Variants in ERC2 observed in about 807,000 individuals in gnomAD.
The protein encoded by ERC2 is ERC protein 2.
ERC2 carries 42 observed loss-of-function variants against 114.8 expected under a neutral mutation model. The ratio of observed to expected loss-of-function variants is 0.37; its 90% CI spans 0.29 to 0.47. The LOEUF (loss-of-function observed/expected upper bound fraction) is 0.47. Ranked by LOEUF, ERC2 falls within the 20% of genes least tolerant of loss-of-function variation. The probability of loss-of-function intolerance (pLI) is 0.99; values close to 1 mark genes in which losing one functional copy is unlikely to be tolerated. For missense variants in ERC2, 939 were observed against 1,150.7 expected, an observed-to-expected ratio of 0.82 and a Z score of 2.66; for synonymous variants, 454 against 425.5, an observed-to-expected ratio of 1.07 and a Z score of -0.82.
At chr3:55,620,867 C>T (rs918188204) in intron 17 of ERC2, among the ~76,000 whole-genome samples, 6 of 152,180 alleles carry the variant, frequency 3.9e-5, no homozygotes, top group African/African-American at 9.7e-5. Context: ...GATGTGATTA[C>T]GCCTTCTCAG....
At chr3:55,813,824 C>A (rs894867731) in intron 14 of ERC2, among the ~76,000 whole-genome samples, 2 of 152,172 alleles carry the variant, frequency 1.3e-5, no homozygotes, top group African/African-American at 2.4e-5. Flanking sequence ...AAAATTATTT[C>A]TCCTATTAAA....
At chr3:56,049,818 ATGTGTGTG>A (rs3052672) in intron 7 of ERC2, among the ~76,000 whole-genome samples, 34,141 of 145,152 alleles carry the variant, frequency 0.24, 4,739 homozygotes, top group Admixed American at 0.33. Flanking sequence ...CCCATCATAT[ATGTGTGTG>A]TGTGTGTGTG....
At chr3:56,006,811 CAA>C (rs2072530554) in intron 10 of ERC2, among the ~76,000 whole-genome samples, 2 of 152,062 alleles carry the variant, frequency 1.3e-5, no homozygotes, top group Admixed American at 1.3e-4. Flanking sequence ...CTGAAAGTAG[CAA>C]AAGTTTATTA....
intron 2 of ERC2, among the ~76,000 whole-genome samples, chr3:56,309,526 G>GA (rs2056418047): frequency 6.6e-6 from 1 of 152,182 alleles, no homozygotes; most frequent in Non-Finnish European, 1.5e-5. Flanking sequence ...GTGATCTGGG[G>GA]AAAAATCACT....
intron 2 of ERC2, among the ~76,000 whole-genome samples, chr3:56,417,386 AT>A (rs373556994): frequency 6.7e-6 from 1 of 150,188 alleles, no homozygotes; most frequent in African/African-American, 2.4e-5. Flanking sequence ...CTTTTTTTTT[AT>A]TTTTTGCACA....
intron 2 of ERC2, among the ~76,000 whole-genome samples, chr3:56,360,863 G>A (rs1465225403): frequency 6.6e-6 from 1 of 152,110 alleles, no homozygotes; most frequent in Non-Finnish European, 1.5e-5. Context: ...AGCTGAGATT[G>A]CACCACTACA....
At position 55,553,736 on chromosome 3, in the gene ERC2, C is replaced by T. The variant is rs575451422; in HGVS notation, c.*40-42460G>A. Among the ~76,000 whole-genome samples the T allele has an allele frequency of 6.3e-3, 958 of 151,912 alleles. 9 individuals carry two copies. The highest frequency in any genetic ancestry group is 0.022 in the African/African-American group (907 of 41,448). On this transcript the variant is annotated intron_variant, in intron 17 of 17. Transcript: ENST00000288221. Reference sequence around the variant, plus strand: ...TGGAGCTTGCCGTGAGTCAAGATCGCGCCACTGCTCTCCAGCCTGGGTGAC... The same window carrying T: ...TGGAGCTTGCCGTGAGTCAAGATCGTGCCACTGCTCTCCAGCCTGGGTGAC...
intron 3 of ERC2, among the ~76,000 whole-genome samples, chr3:56,267,076 TC>T (rs1440651351): frequency 1.3e-5 from 2 of 152,044 alleles, no homozygotes. Flanking sequence ...GATTTTTTTT[TC>T]AGGTTTTGGA....
intron 2 of ERC2, among the ~76,000 whole-genome samples, chr3:56,423,457 A>G (rs9875056): frequency 0.28 from 42,924 of 152,172 alleles, 6,396 homozygotes; most frequent in Admixed American, 0.43. Context: ...TAACAGTCAA[A>G]AATGTCTTCA....
At chr3:56,002,281 A>C (rs998420322) in intron 10 of ERC2, among the ~76,000 whole-genome samples, 1 of 152,148 alleles carries the variant, frequency 6.6e-6, no homozygotes, top group Non-Finnish European at 1.5e-5. Flanking sequence ...AAGGGGATTT[A>C]TACATAGGAG....
At chr3:56,010,428 C>A in intron 9 of ERC2, 21 bp downstream of exon 9, 1 of 1,610,466 alleles carries the variant, frequency 6.2e-7, no homozygotes, top group Non-Finnish European at 8.5e-7. Context: ...CAATGTGGTT[C>A]ATTTGTTTTT....
chr3:55,769,581 T>C (rs896891128), intron 14 of ERC2, among the ~76,000 whole-genome samples: 1 of 152,174 alleles, frequency 6.6e-6, no homozygotes, highest in African/African-American at 2.4e-5. Context: ...ATAAAAATTA[T>C]AAATATATTT....
chr3:55,967,194 CTCTT>C (rs1400172562), intron 12 of ERC2, among the ~76,000 whole-genome samples: 2 of 152,252 alleles, frequency 1.3e-5, no homozygotes, highest in African/African-American at 2.4e-5. Context: ...GTATGGATAA[CTCTT>C]TATTAAATGT....
chr3:56,059,477 A>AC, intron 7 of ERC2, among the ~76,000 whole-genome samples: 1 of 152,116 alleles, frequency 6.6e-6, no homozygotes. Flanking sequence ...AGCTACAGGA[A>AC]GTAAGTGACT....
intron 6 of ERC2, among the ~76,000 whole-genome samples, chr3:56,106,596 T>A (rs1253346200): frequency 6.6e-6 from 1 of 152,162 alleles, no homozygotes; most frequent in African/African-American, 2.4e-5. Flanking sequence ...GTTTTCTGGT[T>A]TACTTATTTA....
chr3:56,425,104 A>C (rs940773099), intron 2 of ERC2, among the ~76,000 whole-genome samples: 6 of 152,142 alleles, frequency 3.9e-5, no homozygotes, highest in Non-Finnish European at 8.8e-5. Context: ...GTCGCCCTTC[A>C]TCCCACTTCC....
At chr3:55,712,200 T>C (rs1576260332) in intron 15 of ERC2, among the ~76,000 whole-genome samples, 1 of 152,296 alleles carries the variant, frequency 6.6e-6, no homozygotes, top group East Asian at 1.9e-4. Context: ...AGAATAATTG[T>C]ATATCTAAAG....
At chr3:56,089,597 T>C (rs983007857) in intron 6 of ERC2, among the ~76,000 whole-genome samples, 4 of 150,440 alleles carry the variant, frequency 2.7e-5, no homozygotes, top group Non-Finnish European at 5.9e-5. Flanking sequence ...TTTTTTTTAA[T>C]ACTTTTAGCA....
intron 13 of ERC2, among the ~76,000 whole-genome samples, chr3:55,909,163 C>T (rs2064650040): frequency 1.3e-5 from 2 of 152,276 alleles, no homozygotes; most frequent in East Asian, 1.9e-4. Flanking sequence ...CCATCTCGGC[C>T]CCTCTGCCAA....
Sources: gnomAD v4.1 joint callset for allele counts (sites outside exome capture counted in the v4.1 genomes callset) on GRCh38, gnomAD v4.1.1 for gene constraint, MANE v1.5 for transcripts, NCBI Gene and HGNC (gene_info 2026-07-23, HGNC 2026-07-21) for gene names.